Variants in RAD51B observed in about 807,000 individuals in gnomAD.
RAD51B encodes the protein DNA repair protein RAD51 homolog 2.
In RAD51B, 38 loss-of-function variants were observed where a neutral mutation model predicts 42.2. The observed-to-expected ratio is 0.90, with a 90% CI of 0.70 to 1.18. The LOEUF is 1.18. Among genes scored for constraint, RAD51B ranks in the 50% most tolerant of loss-of-function variants. The pLI is 0.00. For synonymous variants in RAD51B, 154 were observed against 145.2 expected, an observed-to-expected ratio of 1.06 and a Z score of -0.43; for missense variants, 373 against 400.7, an observed-to-expected ratio of 0.93 and a Z score of 0.59.
intron 9 of RAD51B, among the ~76,000 whole-genome samples, chr14:68,444,420 C>T (rs1308721350): frequency 6.7e-6 from 1 of 149,800 alleles, no homozygotes; most frequent in Non-Finnish European, 1.5e-5. Context: ...GCAAATTCCA[C>T]AGGTGGAAAG....
At chr14:68,141,418 C>G (rs2078125558) in intron 7 of RAD51B, among the ~76,000 whole-genome samples, 2 of 152,140 alleles carry the variant, frequency 1.3e-5, no homozygotes, top group Non-Finnish European at 2.9e-5. Flanking sequence ...TGCTTTTTCT[C>G]TGCATGGGAA....
intron 7 of RAD51B, among the ~76,000 whole-genome samples, chr14:67,989,427 G>A (rs1368270225): frequency 6.6e-6 from 1 of 151,776 alleles, no homozygotes; most frequent in Non-Finnish European, 1.5e-5. Flanking sequence ...ACCTGAGGTC[G>A]GGAGTTCAAG....
At chr14:68,140,449 C>T (rs532184269) in intron 7 of RAD51B, among the ~76,000 whole-genome samples, 1 of 152,284 alleles carries the variant, frequency 6.6e-6, no homozygotes, top group East Asian at 1.9e-4. Context: ...TAGCAATAAC[C>T]CCTAACAACC....
intron 7 of RAD51B, among the ~76,000 whole-genome samples, chr14:67,951,526 T>A (rs1365911465): frequency 6.6e-6 from 1 of 152,148 alleles, no homozygotes; most frequent in Non-Finnish European, 1.5e-5. Context: ...AGCAGAAGAG[T>A]AACAGTATAG....
chr14:68,552,327 G>A (rs1888617675), intron 10 of RAD51B, among the ~76,000 whole-genome samples: 2 of 152,098 alleles, frequency 1.3e-5, no homozygotes, highest in Non-Finnish European at 2.9e-5. Flanking sequence ...ATATAGGACT[G>A]CCCCATATAT....
intron 7 of RAD51B, among the ~76,000 whole-genome samples, chr14:68,144,918 C>T (rs1053467726): frequency 1.1e-4 from 16 of 152,042 alleles, no homozygotes; most frequent in Admixed American, 5.2e-4. Context: ...CACTACAAAG[C>T]CATTTTTTTC....
At chr14:68,474,706 G>A (rs753459486) in intron 10 of RAD51B, among the ~76,000 whole-genome samples, 3 of 152,164 alleles carry the variant, frequency 2.0e-5, no homozygotes, top group Non-Finnish European at 2.9e-5. Context: ...CAGGCTTCAT[G>A]AGCCTCTGTT....
intron 7 of RAD51B, among the ~76,000 whole-genome samples, chr14:68,226,488 G>A (rs1230839537): frequency 9.2e-5 from 14 of 152,100 alleles, no homozygotes; most frequent in Admixed American, 6.5e-4. Context: ...GAATCATGGT[G>A]GTGGGTCTTT....
At chr14:68,468,320 T>A (rs2086036928) in intron 10 of RAD51B, 70 bp downstream of exon 10, 2 of 1,452,352 alleles carry the variant, frequency 1.4e-6, no homozygotes, top group East Asian at 4.5e-5. Flanking sequence ...TGGTAATTAG[T>A]GCTATGGTTC....
chr14:67,842,572 A>G (rs922028292), intron 4 of RAD51B, among the ~76,000 whole-genome samples: 3 of 151,940 alleles, frequency 2.0e-5, no homozygotes, highest in African/African-American at 7.3e-5. Context: ...GTTTCACCAT[A>G]TTGGCCAAGC....
chr14:68,491,236 C>T (rs1884048856), intron 10 of RAD51B, among the ~76,000 whole-genome samples: 1 of 152,138 alleles, frequency 6.6e-6, no homozygotes, highest in Non-Finnish European at 1.5e-5. Context: ...CCGCAGCCGC[C>T]CTTCCTCCTC....
chr14:68,454,436 A>C (rs2085632715), intron 9 of RAD51B, among the ~76,000 whole-genome samples: 1 of 152,122 alleles, frequency 6.6e-6, no homozygotes, highest in Non-Finnish European at 1.5e-5. Flanking sequence ...GAAAAAAAAC[A>C]AGTGACTCTC....
intron 4 of RAD51B, among the ~76,000 whole-genome samples, chr14:67,838,238 C>T (rs1316629440): frequency 6.6e-6 from 1 of 152,052 alleles, no homozygotes; most frequent in Non-Finnish European, 1.5e-5. Context: ...GTGAATAGTG[C>T]TGCAATAAAA....
intron 10 of RAD51B, among the ~76,000 whole-genome samples, chr14:68,492,914 G>C (rs1020313350): frequency 1.3e-5 from 2 of 152,184 alleles, no homozygotes; most frequent in Non-Finnish European, 2.9e-5. Context: ...TTCAGATTTA[G>C]ATAGCTTGCT....
intron 7 of RAD51B, among the ~76,000 whole-genome samples, chr14:68,184,638 A>G (rs1227893299): frequency 6.6e-6 from 1 of 150,898 alleles, no homozygotes; most frequent in African/African-American, 2.4e-5. Context: ...AAAAAAAAAC[A>G]GGAAGAAGAA....
rs946011786 is a variant in RAD51B, at chr14:68,628,950, T to C, written c.1037-21831T>C. Among the ~76,000 whole-genome samples, 4 of 152,140 alleles carry C rather than the reference T, an allele frequency of 2.6e-5. No individual in the cohort carries two copies. In the East Asian group the frequency reaches 7.7e-4, roughly 29 times the overall value. On this transcript the variant is annotated intron_variant, in intron 10 of 11. Coordinates refer to the RAD51B transcript ENST00000488612. ...GAAAGTACCTATCACTCAGACACTT[T>C]GAAAAGCGTGGCGTTCCAGCGCAAA...
intron 8 of RAD51B, among the ~76,000 whole-genome samples, chr14:68,366,722 G>A (rs35468184): frequency 1.0e-3 from 154 of 152,302 alleles, no homozygotes; most frequent in African/African-American, 3.5e-3. Context: ...TAAATAACAG[G>A]CTTGTTGTCC....
chr14:68,200,847 G>A (rs557562790), intron 7 of RAD51B, among the ~76,000 whole-genome samples: 1 of 151,920 alleles, frequency 6.6e-6, no homozygotes, highest in East Asian at 1.9e-4. Context: ...TAGTAGAGAT[G>A]AGGTCTCGCT....
intron 5 of RAD51B, among the ~76,000 whole-genome samples, chr14:67,878,520 G>C (rs1292283060): frequency 6.6e-6 from 1 of 151,642 alleles, no homozygotes; most frequent in Non-Finnish European, 1.5e-5. Context: ...TTTGGTGGTT[G>C]ATCTTTCAGA....
Sources: gnomAD v4.1 joint callset for allele counts (sites outside exome capture counted in the v4.1 genomes callset) on GRCh38, gnomAD v4.1.1 for gene constraint, MANE v1.5 for transcripts, NCBI Gene and HGNC (gene_info 2026-07-23, HGNC 2026-07-21) for gene names.